SHQ1: variants seen among roughly 807,000 people sequenced by gnomAD.
The protein encoded by SHQ1 is SHQ1, H/ACA ribonucleoprotein assembly factor, also known as protein SHQ1 homolog.
In SHQ1, 49 loss-of-function variants were observed where a neutral mutation model predicts 53.8. That is an observed-to-expected ratio of 0.91 (90% CI 0.72 to 1.16). The LOEUF (loss-of-function observed/expected upper bound fraction) is 1.16. Ranked by LOEUF, SHQ1 falls within the 50% of genes most tolerant of loss-of-function variation. The pLI is 0.00. For synonymous variants in SHQ1, 243 were observed against 251.0 expected (o/e 0.97, Z 0.30); for missense variants, 738 against 683.1 (o/e 1.08, Z -0.90).
intron 1 of SHQ1, 55 bp from the exon 2 acceptor site, chr3:72,844,478 G>T: frequency 7.4e-7 from 1 of 1,345,840 alleles, no homozygotes; most frequent in Non-Finnish European, 1.1e-6. Flanking sequence ...TAACATAAGT[G>T]GCCATCAATA....
chr3:72,788,894 G>A (rs1213435322), intron 10 of SHQ1, among the ~76,000 whole-genome samples: 1 of 152,002 alleles, frequency 6.6e-6, no homozygotes, highest in Non-Finnish European at 1.5e-5. Context: ...CTCGTTAAGA[G>A]TCATCACCAC....
At chr3:72,751,535 T>TATATATGTAC (rs1444853961) in intron 10 of SHQ1, among the ~76,000 whole-genome samples, 3 of 139,926 alleles carry the variant, frequency 2.1e-5, no homozygotes, top group Non-Finnish European at 4.5e-5. Context: ...TATATACATA[T>TATATATGTAC]ACATACACTA....
chr3:72,813,933 T>C (rs994279918), intron 8 of SHQ1, among the ~76,000 whole-genome samples: 3 of 151,214 alleles, frequency 2.0e-5, no homozygotes, highest in African/African-American at 7.3e-5. Flanking sequence ...AGGTGTTGTA[T>C]CTTGAACGGT....
chr3:72,846,118 A>C, intron 1 of SHQ1: 1 of 1,218,958 alleles, frequency 8.2e-7, no homozygotes. Flanking sequence ...ACAGGTGAGC[A>C]TTCAGAAAAT....
At chr3:72,735,411 A>G in the SHQ1 span, among the ~76,000 whole-genome samples, 2 of 142,640 alleles carry the variant, frequency 1.4e-5, no homozygotes, top group Non-Finnish European at 3.1e-5. Context: ...TATGTCTATC[A>G]TCATGTAGTG....
At chr3:72,812,274 C>T (rs1473714624) in intron 9 of SHQ1, among the ~76,000 whole-genome samples, 2 of 152,222 alleles carry the variant, frequency 1.3e-5, no homozygotes, top group East Asian at 3.8e-4. Context: ...TACCCATCAT[C>T]TGTCTGACAA....
At chr3:72,789,397 A>T (rs2106784999) in intron 10 of SHQ1, among the ~76,000 whole-genome samples, 1 of 152,248 alleles carries the variant, frequency 6.6e-6, no homozygotes, top group African/African-American at 2.4e-5. Flanking sequence ...AGTGTATTTT[A>T]TGCGTGGCCC....
At chr3:72,848,069 G>A (rs1243148689) in intron 1 of SHQ1, 129 bp downstream of exon 1, 25 of 1,144,098 alleles carry the variant, frequency 2.2e-5, no homozygotes, top group East Asian at 2.4e-5. Context: ...CTGGCACCAA[G>A]AGAAGCTGCG....
chr3:72,813,539 G>A (rs1480279037), intron 8 of SHQ1, among the ~76,000 whole-genome samples: 3 of 149,022 alleles, frequency 2.0e-5, no homozygotes, highest in South Asian at 2.1e-4. Context: ...GCCGACGGGC[G>A]GACCACAAGG....
intron 1 of SHQ1, chr3:72,846,098 G>T: frequency 1.0e-6 from 1 of 975,048 alleles, no homozygotes; most frequent in Non-Finnish European, 1.5e-6. Context: ...AGAGCTTAGT[G>T]GCCGGCACAA....
intron 10 of SHQ1, among the ~76,000 whole-genome samples, chr3:72,774,173 T>C (rs1705909403): frequency 6.6e-6 from 1 of 152,088 alleles, no homozygotes; most frequent in South Asian, 2.1e-4. Flanking sequence ...CCAAATAACA[T>C]GCCTCAAAAT....
chr3:72,748,329 CAAAAAAAAAAAAAAAA>C (rs572927520), downstream of SHQ1, among the ~76,000 whole-genome samples: 1,063 of 58,800 alleles, frequency 0.018, 33 homozygotes, highest in African/African-American at 0.047. Context: ...ATGAGGCATG[CAAAAAAAAAAAAAAAA>C]AAAAAAAAAA....
intron 5 of SHQ1, among the ~76,000 whole-genome samples, chr3:72,830,709 A>C (rs1451236216): frequency 6.6e-6 from 1 of 152,088 alleles, no homozygotes; most frequent in East Asian, 1.9e-4. Flanking sequence ...CACTCTCCTC[A>C]CTTAGCCCAT....
chr3:72,846,398 G>A (rs1417651507), intron 1 of SHQ1: 21 of 1,207,592 alleles, frequency 1.7e-5, no homozygotes, highest in Non-Finnish European at 8.0e-6. Flanking sequence ...AGGTTCAAGC[G>A]ATTCTCTCAC....
At chr3:72,843,823 G>C (rs779868876) in intron 2 of SHQ1, among the ~76,000 whole-genome samples, 4 of 151,962 alleles carry the variant, frequency 2.6e-5, no homozygotes, top group African/African-American at 7.2e-5. Flanking sequence ...TACACAAGGT[G>C]TTCTAAATCC....
chr3:72,827,753 CTTTTTTTTTT>C (rs397877851), intron 5 of SHQ1, among the ~76,000 whole-genome samples: 3 of 111,688 alleles, frequency 2.7e-5, no homozygotes, highest in African/African-American at 1.1e-4. Context: ...TTTTTCAAGA[CTTTTTTTTTT>C]TTTTTTTTTG....
chr3:72,747,538 C>T (rs1705277599), downstream of SHQ1, among the ~76,000 whole-genome samples: 1 of 152,138 alleles, frequency 6.6e-6, no homozygotes, highest in Non-Finnish European at 1.5e-5. Flanking sequence ...CAAGGCAGAA[C>T]CCAGGGGGTT....
rs762060684 is a variant in SHQ1, at chr3:72,844,423, T to C, written c.144A>G (p.Arg48=). ...FKFYAKPYFL[R]LTLPGRIVEN... The stretch of plus-strand genomic sequence containing the variant: ...CTACAATTCTTCCAGGAAGGGTTAA[T>C]CTGCAGATTTAACACAGGTCTCATG... Residue 48 remains arginine, a splice_region_variant and synonymous_variant, in exon 2 of 11, where the codon AGA becomes AGG. Coordinates refer to ENST00000325599, the MANE Select transcript of SHQ1 (RefSeq NM_018130.3). 5.9e-5 allele frequency: 95 copies of C among 1,613,382 alleles called. No individual in the cohort carries two copies. The South Asian group carries it at 1.0e-3, about 17-fold the overall frequency.
chr3:72,800,096 C>T (rs1706739291), intron 9 of SHQ1, among the ~76,000 whole-genome samples: 1 of 152,088 alleles, frequency 6.6e-6, no homozygotes, highest in South Asian at 2.1e-4. Context: ...CATGAGGGCT[C>T]TACCCTCATG....
Sources: gnomAD v4.1 joint callset for allele counts (sites outside exome capture counted in the v4.1 genomes callset) on GRCh38, gnomAD v4.1.1 for gene constraint, MANE v1.5 for transcripts, NCBI Gene and HGNC (gene_info 2026-07-23, HGNC 2026-07-21) for gene names.